Variants in STAC observed in about 807,000 individuals in gnomAD.
STAC encodes the protein SH3 and cysteine-rich domain-containing protein.
STAC carries 43 observed loss-of-function variants against 48.8 expected under a neutral mutation model. The ratio of observed to expected loss-of-function variants is 0.88; its 90% CI spans 0.69 to 1.14. STAC has a LOEUF of 1.14. Ranked by LOEUF, STAC falls within the 50% of genes most tolerant of loss-of-function variation. STAC has a pLI of 0.00. For synonymous variants in STAC, 193 were observed against 179.5 expected (o/e 1.07, Z -0.60); for missense variants, 497 against 504.0 (o/e 0.99, Z 0.13).
intron 8 of STAC, among the ~76,000 whole-genome samples, chr3:36,521,117 C>A (rs756764598): frequency 6.6e-6 from 1 of 151,808 alleles, no homozygotes; most frequent in African/African-American, 2.4e-5. Context: ...CTTTTTCTGC[C>A]CCCTTCAGCT....
chr3:36,517,439 C>T (rs994040435), intron 8 of STAC, among the ~76,000 whole-genome samples: 3 of 152,114 alleles, frequency 2.0e-5, no homozygotes, highest in Non-Finnish European at 4.4e-5. Flanking sequence ...TGCTTGAGCC[C>T]AGGAGTTCAA....
intron 1 of STAC, among the ~76,000 whole-genome samples, chr3:36,412,962 A>G (rs968432236): frequency 6.6e-6 from 1 of 152,166 alleles, no homozygotes; most frequent in African/African-American, 2.4e-5. Flanking sequence ...CAGGTTGTTC[A>G]GTTTCCATGT....
chr3:36,503,673 T>C (rs1489957127), intron 6 of STAC, among the ~76,000 whole-genome samples: 1 of 152,140 alleles, frequency 6.6e-6, no homozygotes, highest in Non-Finnish European at 1.5e-5. Context: ...CCTCAAGTGA[T>C]CTACCCGCCT....
At chr3:36,474,996 CGTGT>C (rs369994742) in intron 2 of STAC, among the ~76,000 whole-genome samples, 2 of 151,488 alleles carry the variant, frequency 1.3e-5, no homozygotes, top group Non-Finnish European at 2.9e-5. Flanking sequence ...TGGCTTTTCT[CGTGT>C]GTGTGTGTGT....
chr3:36,411,285 A>G (rs980000050), intron 1 of STAC, among the ~76,000 whole-genome samples: 2 of 152,218 alleles, frequency 1.3e-5, no homozygotes, highest in African/African-American at 2.4e-5. Context: ...AAGTCAGTAC[A>G]AATCTTTTTA....
intron 10 of STAC, among the ~76,000 whole-genome samples, chr3:36,536,065 C>G (rs1403414225): frequency 1.3e-5 from 2 of 152,088 alleles, no homozygotes; most frequent in Non-Finnish European, 2.9e-5. Context: ...TTTTGTACCT[C>G]TGGTAGAATT....
intron 10 of STAC, among the ~76,000 whole-genome samples, chr3:36,542,350 C>T (rs1425770111): frequency 6.6e-6 from 1 of 152,280 alleles, no homozygotes; most frequent in East Asian, 1.9e-4. Context: ...GTCCATGAGA[C>T]AGATCAGAAG....
At chr3:36,539,586 G>A (rs190926499) in intron 10 of STAC, among the ~76,000 whole-genome samples, 74 of 152,160 alleles carry the variant, frequency 4.9e-4, no homozygotes, top group Admixed American at 1.1e-3. Flanking sequence ...ATGTACCCCA[G>A]ATTTGGGGTA....
chr3:36,519,791 G>A (rs746310425), intron 8 of STAC, among the ~76,000 whole-genome samples: 18 of 152,084 alleles, frequency 1.2e-4, no homozygotes, highest in Admixed American at 2.6e-4. Context: ...CCAGTAAGAT[G>A]CTCCACCTTG....
chr3:36,498,075 A>G (rs2125709600), intron 6 of STAC, among the ~76,000 whole-genome samples: 1 of 152,304 alleles, frequency 6.6e-6, no homozygotes, highest in African/African-American at 2.4e-5. Flanking sequence ...ATTAGCAGAA[A>G]CAACCAACTT....
At chr3:36,532,561 A>G (rs1699097087) in intron 10 of STAC, among the ~76,000 whole-genome samples, 1 of 152,108 alleles carries the variant, frequency 6.6e-6, no homozygotes, top group Admixed American at 6.6e-5. Context: ...ACACTCCCCA[A>G]AGAGGTAACA....
rs765548085 is a variant in STAC at position 36,514,204 on chromosome 3, C to CTTTTTTT, written c.920+8395_920+8401dup. 5.3e-3 allele frequency among the ~76,000 whole-genome samples: 193 copies of CTTTTTTT among 36,438 alleles called. 28 individuals carry two copies. The highest frequency in any genetic ancestry group is 9.9e-3 in the East Asian group (11 of 1,110). The allele number at this position is 36,438 out of a possible 152,430, so 23.9% of individuals were successfully genotyped here. A position where few individuals can be genotyped will look rare whatever the true frequency, so the allele number is the denominator to read the frequency against. On this transcript the variant is annotated intron_variant, in intron 8 of 10. Transcript: ENST00000273183. Reference sequence around the variant, plus strand: ...TCTCTGATCCATCTACACTGGCCTTCTTTTTTTTTTTTTTTTTTTTTTTTT... The same window carrying CTTTTTTT: ...TCTCTGATCCATCTACACTGGCCTTCTTTTTTTTTTTTTTTTTTTTTTTTTTTTTTTT...
intron 8 of STAC, among the ~76,000 whole-genome samples, chr3:36,526,351 C>T (rs1307694424): frequency 6.6e-6 from 1 of 152,138 alleles, no homozygotes; most frequent in Non-Finnish European, 1.5e-5. Context: ...TCTGAACTGG[C>T]CTTGAGACTT....
intron 1 of STAC, among the ~76,000 whole-genome samples, chr3:36,400,298 CA>C (rs1034351161): frequency 2.6e-5 from 4 of 152,184 alleles, no homozygotes; most frequent in Non-Finnish European, 5.9e-5. Context: ...CAGCTACTGT[CA>C]AATGGTCATT....
At chr3:36,499,073 CTA>C (rs146602068) in intron 6 of STAC, among the ~76,000 whole-genome samples, 4,518 of 152,220 alleles carry the variant, frequency 0.03, 119 homozygotes, top group South Asian at 0.05. Context: ...TGAAGCAAAA[CTA>C]TCTTTCAATA....
intron 8 of STAC, among the ~76,000 whole-genome samples, chr3:36,527,512 T>C (rs1225857103): frequency 1.3e-5 from 2 of 151,808 alleles, no homozygotes; most frequent in African/African-American, 4.8e-5. Flanking sequence ...AAATACAAAA[T>C]AAATGATCAG....
chr3:36,530,583 T>TC (rs1207572830), intron 10 of STAC, among the ~76,000 whole-genome samples: 4 of 147,578 alleles, frequency 2.7e-5, no homozygotes, highest in African/African-American at 7.4e-5. Flanking sequence ...ACCTTTTCTT[T>TC]TTTTTTTTTC....
At chr3:36,397,246 T>C (rs1699874095) in intron 1 of STAC, among the ~76,000 whole-genome samples, 1 of 152,192 alleles carries the variant, frequency 6.6e-6, no homozygotes, top group Non-Finnish European at 1.5e-5. Context: ...TAACTCTTGT[T>C]TAGAAGACAA....
At chr3:36,398,344 AAAG>A (rs1559476934) in intron 1 of STAC, among the ~76,000 whole-genome samples, 6 of 141,026 alleles carry the variant, frequency 4.3e-5, no homozygotes, top group African/African-American at 1.6e-4. Flanking sequence ...AGAAAGAAAG[AAAG>A]AAAGAAAGAA....
Sources: allele counts gnomAD v4.1 joint callset (sites outside exome capture counted in the v4.1 genomes callset), GRCh38; gene constraint gnomAD v4.1.1; transcripts MANE v1.5; gene names NCBI Gene and HGNC (gene_info 2026-07-23, HGNC 2026-07-21).